The following GIGYF2 variants were observed in gnomAD, a reference collection of about 807,000 sequenced individuals.
The protein encoded by GIGYF2 is GRB10-interacting GYF protein 2.
A neutral mutation model predicts 208.1 loss-of-function variants in GIGYF2; 25 were observed. That is an observed-to-expected ratio of 0.12 (90% confidence interval 0.09 to 0.17). The LOEUF (loss-of-function observed/expected upper bound fraction) is 0.17, where lower values mean the gene tolerates loss of function less well. Ranked by LOEUF, GIGYF2 falls within the 10% of genes least tolerant of loss-of-function variation. The pLI is 1.00. For missense variants in GIGYF2, 1,302 were observed against 1,579.4 expected (o/e 0.82, Z 2.98); for synonymous variants, 534 against 543.8 (o/e 0.98, Z 0.25).
intron 9 of GIGYF2, chr2:232,788,542 A>G (rs374442572): frequency 8.5e-6 from 4 of 470,888 alleles, no homozygotes; most frequent in East Asian, 6.9e-5. Context: ...AATGGATAGG[A>G]TCTGGGCTGA....
At chr2:232,830,993 A>T (rs1701410887) in intron 21 of GIGYF2, among the ~76,000 whole-genome samples, 1 of 152,128 alleles carries the variant, frequency 6.6e-6, no homozygotes, top group Non-Finnish European at 1.5e-5. Flanking sequence ...CTTGATTGGA[A>T]TTTATCTGAA....
In GIGYF2 at chr2:232,806,369, A is replaced by G; in HGVS notation, c.1640-122A>G. ...GCTACCTTTAGAGGTGAATTAAATT[A>G]GATAGTATAAAACATTTTGACAGAT... On this transcript the variant is annotated intron_variant, in intron 14 of 28. Coordinates refer to ENST00000373563, the MANE Select transcript of GIGYF2 (RefSeq NM_001103146.3). The surrounding 1 kb of genome is among the most constrained non-coding windows in gnomAD (Gnocchi z 4.0). 1.3e-6 allele frequency: 1 copy of G among 766,138 alleles called. No individual in the cohort carries two copies. The highest frequency in any genetic ancestry group is 2.4e-6 in the Non-Finnish European group (1 of 423,252). 47.5% of individuals were successfully genotyped at this position (766,138 alleles called of 1,614,324 possible).
At chr2:232,821,280 G>A (rs951001326) in intron 21 of GIGYF2, among the ~76,000 whole-genome samples, 2 of 152,154 alleles carry the variant, frequency 1.3e-5, no homozygotes, top group African/African-American at 2.4e-5. Flanking sequence ...TTGACTTACT[G>A]CAGCCTCTGC....
At chr2:232,720,593 G>A (rs141905318) in intron 2 of GIGYF2, among the ~76,000 whole-genome samples, 3 of 100,994 alleles carry the variant, frequency 3.0e-5, no homozygotes, top group Admixed American at 9.3e-5. Flanking sequence ...ATTTTTGTTT[G>A]TTTGTTTGTT....
Position 232,806,181 on chromosome 2 carries a change from ATAGT to A in GIGYF2, c.1640-307_1640-304del, listed in dbSNP as rs1429887223. Among the ~76,000 whole-genome samples the A allele has an allele frequency of 6.6e-6, 1 of 152,218 alleles. No homozygotes were observed. Among genetic ancestry groups the A allele is most frequent in the Non-Finnish European group, 1.5e-5 (1 of 68,036 alleles). ...GCCTAAATGATACAAAGTCTAGTAA[ATAGT>A]TAACTCTTCAATTGTATCATACTTT... On this transcript the variant is annotated intron_variant, in intron 14 of 28. Coordinates refer to ENST00000373563, the MANE Select transcript of GIGYF2 (RefSeq NM_001103146.3). The surrounding 1 kb of genome is among the most constrained non-coding windows in gnomAD (Gnocchi z 4.0).
rs1291430952 is a variant in GIGYF2, at chr2:232,806,707, T to C, written c.1806+50T>C. Reference sequence around the variant, plus strand: ...AATACATATTAGTCACGGAAACACTTGATTCTCTTTGAAAACACAACCCAA... The same window carrying C: ...AATACATATTAGTCACGGAAACACTCGATTCTCTTTGAAAACACAACCCAA... On this transcript the variant is annotated intron_variant, in intron 15 of 28. Coordinates refer to ENST00000373563, the MANE Select transcript of GIGYF2 (RefSeq NM_001103146.3). This position sits in a 1 kb window ranked among gnomAD's most constrained non-coding sequence, Gnocchi z 4.0. The C allele has an allele frequency of 1.1e-5, 14 of 1,277,968 alleles. No individual in the cohort carries two copies. The highest frequency in any genetic ancestry group is 1.6e-5 in the Non-Finnish European group (14 of 874,390). 79.2% of individuals were successfully genotyped at this position (1,277,968 alleles called of 1,614,324 possible).
Position 232,803,837 on chromosome 2 carries a change from G to A in GIGYF2, c.1640-2654G>A, listed in dbSNP as rs1474753889. Among the ~76,000 whole-genome samples, 4 of 65,706 alleles carry A rather than the reference G, an allele frequency of 6.1e-5. 2 individuals carry two copies. The highest frequency in any genetic ancestry group is 5.5e-5 in the Non-Finnish European group (2 of 36,354). The allele number at this position is 65,706 out of a possible 152,430, so 43.1% of individuals were successfully genotyped here. On this transcript the variant is annotated intron_variant, in intron 14 of 28. Transcript: ENST00000373563. ...CGAGTAGCTGGGACTACAGGCGCCCGCCACCGCGCCCGGCTAATTTTTTGT... is the reference window on the plus strand; with the variant it reads ...CGAGTAGCTGGGACTACAGGCGCCCACCACCGCGCCCGGCTAATTTTTTGT...
chr2:232,803,925 GATCCACCCGCCTCCGCCTCCCAAAGTGC>G lies in GIGYF2; in HGVS notation c.1640-2565_1640-2538del, dbSNP rs1302961023. Among the ~76,000 whole-genome samples the G allele has an allele frequency of 3.3e-4, 5 of 15,152 alleles. 1 individual carries two copies. The highest frequency in any genetic ancestry group is 7.8e-4 in the African/African-American group (2 of 2,564). 9.9% of individuals were successfully genotyped at this position (15,152 alleles called of 152,430 possible). On this transcript the variant is annotated intron_variant, in intron 14 of 28. Coordinates refer to ENST00000373563, the MANE Select transcript of GIGYF2 (RefSeq NM_001103146.3). ...GATGGTCTCGATCTCCTGACCTCAT[GATCCACCCGCCTCCGCCTCCCAAAGTGC>G]TGGGATTACAGGCCTATTTCTGCTT...
At chr2:232,818,195 G>T (rs901132738) in intron 20 of GIGYF2, among the ~76,000 whole-genome samples, 1 of 152,080 alleles carries the variant, frequency 6.6e-6, no homozygotes, top group Non-Finnish European at 1.5e-5. Flanking sequence ...CTTTAAAAAA[G>T]TATCTTTGGC....
chr2:232,838,905 T>C (rs1701731511), intron 22 of GIGYF2, among the ~76,000 whole-genome samples: 1 of 152,066 alleles, frequency 6.6e-6, no homozygotes, highest in African/African-American at 2.4e-5. Context: ...TTATGTTCAG[T>C]AGTGTTGAAG....
intron 9 of GIGYF2, among the ~76,000 whole-genome samples, chr2:232,788,989 T>G (rs1425579622): frequency 2.6e-5 from 4 of 152,326 alleles, no homozygotes; most frequent in Non-Finnish European, 5.9e-5. Context: ...ATAGCCTGAT[T>G]ATAGCAGTTT....
chr2:232,744,258 T>C (rs1055436204), intron 3 of GIGYF2, among the ~76,000 whole-genome samples: 14 of 152,186 alleles, frequency 9.2e-5, no homozygotes, highest in Non-Finnish European at 1.5e-4. Context: ...TGAAATCTTA[T>C]TGTGAGCAGC....
In GIGYF2 at chr2:232,718,481, T is replaced by C. The variant is rs549763575; in HGVS notation, c.-44+14992T>C. Among the ~76,000 whole-genome samples, 8 of 152,326 alleles carry C rather than the reference T, an allele frequency of 5.3e-5. No individual in the cohort carries two copies. The South Asian group carries it at 1.7e-3, about 32-fold the overall frequency. ...GTTTGCCTGTTGATGTACATTTACA[T>C]TGATGGACATAATACCCAAATGTCA... On this transcript the variant is annotated intron_variant, in intron 2 of 28. Transcript: ENST00000373563.
chr2:232,784,598 G>GCTAGGATGAT (rs61100810), intron 8 of GIGYF2, among the ~76,000 whole-genome samples: 36,137 of 151,298 alleles, frequency 0.24, 4,613 homozygotes, highest in South Asian at 0.53. Flanking sequence ...CATCGTGTTA[G>GCTAGGATGAT]CTTGATCTGA....
At chr2:232,728,081 T>C (rs927028977) in intron 2 of GIGYF2, among the ~76,000 whole-genome samples, 2 of 152,182 alleles carry the variant, frequency 1.3e-5, no homozygotes, top group African/African-American at 4.8e-5. Context: ...GGAGTAGGTG[T>C]TTGAATAGAT....
chr2:232,841,502 A>T (rs1486829965), intron 23 of GIGYF2, among the ~76,000 whole-genome samples: 1 of 146,684 alleles, frequency 6.8e-6, no homozygotes, highest in Non-Finnish European at 1.5e-5. Context: ...TTTAGTAGAG[A>T]CGGAGTTTCA....
chr2:232,748,393 G>A (rs960276144), intron 4 of GIGYF2, among the ~76,000 whole-genome samples: 1 of 152,174 alleles, frequency 6.6e-6, no homozygotes, highest in Admixed American at 6.5e-5. Context: ...GGTGATTCTT[G>A]TGCCTCAGCC....
intron 6 of GIGYF2, among the ~76,000 whole-genome samples, chr2:232,756,597 C>A (rs1361870189): frequency 6.6e-6 from 1 of 152,136 alleles, no homozygotes; most frequent in African/African-American, 2.4e-5. Flanking sequence ...TCCAACAGAT[C>A]CATGTTCCTC....
At position 232,787,185 on chromosome 2, in the gene GIGYF2, G is replaced by A; in HGVS notation, c.568G>A (p.Val190Ile). Reference protein sequence around the residue: ...PNFEEGGPTSVGRKHEFIRSE... With the variant: ...PNFEEGGPTSIGRKHEFIRSE... Reference sequence around the variant, plus strand: ...TTTTGAGGAAGGTGGACCAACATCAGTAGGGAGAAAGCATGAATTTATACG... The same window carrying A: ...TTTTGAGGAAGGTGGACCAACATCAATAGGGAGAAAGCATGAATTTATACG... The change falls in exon 9 of 29, where the codon GTA becomes ATA. Residue 190 changes from valine (V) to isoleucine (I), a missense_variant. Physicochemically the swap from Val to Ile is conservative, Grantham distance 29. Around this residue, in one of 8 missense-constraint regions of GIGYF2, gnomAD observed 189 missense variants for 257.7 expected, o/e 0.73. Coordinates refer to ENST00000373563, the MANE Select transcript of GIGYF2 (RefSeq NM_001103146.3). 1 of 1,614,074 alleles carries A rather than the reference G, an allele frequency of 6.2e-7. No homozygotes were observed. Among genetic ancestry groups the A allele is most frequent in the Non-Finnish European group, 8.5e-7 (1 of 1,179,962 alleles).
Sources: allele counts gnomAD v4.1 joint callset (sites outside exome capture counted in the v4.1 genomes callset), GRCh38; gene constraint gnomAD v4.1.1; regional missense constraint gnomAD v4.1.1; non-coding constraint Gnocchi (gnomAD v3.1); transcripts MANE v1.5; gene names NCBI Gene and HGNC (gene_info 2026-07-23, HGNC 2026-07-21).